ITPR2: variants seen among roughly 807,000 people sequenced by gnomAD.
ITPR2 encodes inositol 1,4,5-trisphosphate receptor type 2, also known as inositol 1,4,5-trisphosphate-gated calcium channel ITPR2.
A neutral mutation model predicts 317.1 loss-of-function variants in ITPR2; 207 were observed. The ratio of observed to expected loss-of-function variants is 0.65; its 90% CI spans 0.58 to 0.73. ITPR2 has a LOEUF of 0.73. ITPR2 is among the 30% of genes least tolerant of loss of function. The pLI, the probability that ITPR2 is intolerant of heterozygous loss-of-function variation, is 0.00. For missense variants in ITPR2, 2,613 were observed against 3,284.0 expected (o/e 0.80, Z 4.99); for synonymous variants, 1,156 against 1,149.1 (o/e 1.01, Z -0.12).
intron 2 of ITPR2, among the ~76,000 whole-genome samples, chr12:26,747,976 C>T (rs1053666570): frequency 1.3e-5 from 2 of 152,216 alleles, no homozygotes; most frequent in Non-Finnish European, 1.5e-5. Context: ...AGTCTATCAA[C>T]TTCCACCAAT....
At chr12:26,692,297 T>C (rs1199266387) in intron 10 of ITPR2, among the ~76,000 whole-genome samples, 1 of 152,194 alleles carries the variant, frequency 6.6e-6, no homozygotes, top group Non-Finnish European at 1.5e-5. Flanking sequence ...GTTGCCACAA[T>C]CAGGGACCTG....
At chr12:26,352,871 C>T (rs541707524) in intron 55 of ITPR2, among the ~76,000 whole-genome samples, 1 of 152,326 alleles carries the variant, frequency 6.6e-6, no homozygotes, top group East Asian at 1.9e-4. Flanking sequence ...ACATCTCTTT[C>T]CACCTCTGCA....
intron 1 of ITPR2, among the ~76,000 whole-genome samples, chr12:26,807,520 G>A (rs1271918930): frequency 6.6e-6 from 1 of 152,194 alleles, no homozygotes; most frequent in Admixed American, 6.5e-5. Context: ...TCATATGTGG[G>A]GAATCCAAAT....
At chr12:26,496,770 C>G (rs1201496192) in intron 37 of ITPR2, among the ~76,000 whole-genome samples, 1 of 151,854 alleles carries the variant, frequency 6.6e-6, no homozygotes, top group African/African-American at 2.4e-5. Flanking sequence ...AGTGAAACCC[C>G]GTCTGTACTA....
At chr12:26,768,715 A>T (rs1268164067) in intron 2 of ITPR2, among the ~76,000 whole-genome samples, 1 of 151,920 alleles carries the variant, frequency 6.6e-6, no homozygotes, top group East Asian at 1.9e-4. Flanking sequence ...TTATGCAGAT[A>T]TAATCAGAGT....
chr12:26,684,548 G>A (rs748728622), intron 11 of ITPR2, among the ~76,000 whole-genome samples: 1 of 152,148 alleles, frequency 6.6e-6, no homozygotes, highest in Admixed American at 6.5e-5. Flanking sequence ...TGCTTCAAGA[G>A]TTATATTATA....
At chr12:26,582,269 T>C (rs543389318) in intron 32 of ITPR2, among the ~76,000 whole-genome samples, 9 of 152,192 alleles carry the variant, frequency 5.9e-5, no homozygotes, top group Non-Finnish European at 1.0e-4. Flanking sequence ...CTCATACATA[T>C]GAATATTTCT....
chr12:26,618,348 T>C (rs1218928777), intron 26 of ITPR2, among the ~76,000 whole-genome samples: 2 of 152,242 alleles, frequency 1.3e-5, no homozygotes, highest in African/African-American at 4.8e-5. Flanking sequence ...TATTAGTAAG[T>C]ACACATGAAT....
chr12:26,670,960 T>C (rs1433959680), intron 13 of ITPR2, among the ~76,000 whole-genome samples: 1 of 151,734 alleles, frequency 6.6e-6, no homozygotes, highest in African/African-American at 2.4e-5. Flanking sequence ...CAATGGAAGA[T>C]GAAATGAATG....
intron 50 of ITPR2, among the ~76,000 whole-genome samples, chr12:26,415,896 A>T (rs1167112870): frequency 6.6e-6 from 1 of 152,202 alleles, no homozygotes; most frequent in Non-Finnish European, 1.5e-5. Context: ...TGGAATATGT[A>T]AAATGGCTTA....
At chr12:26,486,951 G>A in intron 40 of ITPR2, 117 bp downstream of exon 40, 3 of 1,056,632 alleles carry the variant, frequency 2.8e-6, no homozygotes, top group Admixed American at 1.8e-5. Context: ...GATGATCAGA[G>A]CCACAGTGGG....
chr12:26,755,349 C>G (rs970351919), intron 2 of ITPR2, among the ~76,000 whole-genome samples: 1 of 151,922 alleles, frequency 6.6e-6, no homozygotes, highest in Non-Finnish European at 1.5e-5. Context: ...ATTGTGACAT[C>G]AGAAAAAAAG....
intron 2 of ITPR2, among the ~76,000 whole-genome samples, chr12:26,729,492 A>T (rs1017684189): frequency 6.6e-6 from 1 of 152,184 alleles, no homozygotes; most frequent in Non-Finnish European, 1.5e-5. Flanking sequence ...TGTTATGAAG[A>T]CACATGCACA....
rs117635142 is a variant in ITPR2, at chr12:26,532,790, G to A, written c.5073+17457C>T. Reference sequence around the variant, plus strand: ...CAACCTTCACCTCCTGGGTTCAAGCGATTCTCTATCTCAGCCCCCTGAGTA... The same window carrying A: ...CAACCTTCACCTCCTGGGTTCAAGCAATTCTCTATCTCAGCCCCCTGAGTA... On this transcript the variant is annotated intron_variant, in intron 37 of 56. Coordinates refer to ENST00000381340, the MANE Select transcript of ITPR2 (RefSeq NM_002223.4). 4.2e-3 allele frequency among the ~76,000 whole-genome samples: 638 copies of A among 152,176 alleles called. 22 individuals carry two copies. In the East Asian group the frequency reaches 0.1, roughly 25 times the overall value.
intron 48 of ITPR2, among the ~76,000 whole-genome samples, chr12:26,428,393 G>A (rs1373262894): frequency 6.6e-6 from 1 of 152,010 alleles, no homozygotes; most frequent in Non-Finnish European, 1.5e-5. Context: ...AAATACTTTT[G>A]ATAGACATCT....
chr12:26,530,058 A>C (rs191352361), intron 37 of ITPR2, among the ~76,000 whole-genome samples: 11 of 152,356 alleles, frequency 7.2e-5, no homozygotes, highest in African/African-American at 2.6e-4. Flanking sequence ...TTGTAGTCCC[A>C]TTAAGAATCT....
intron 37 of ITPR2, among the ~76,000 whole-genome samples, chr12:26,546,790 A>T (rs556925343): frequency 6.9e-4 from 105 of 152,340 alleles, no homozygotes; most frequent in Admixed American, 1.1e-3. Flanking sequence ...AGCAGATAAG[A>T]ACTTACACTG....
intron 21 of ITPR2, among the ~76,000 whole-genome samples, chr12:26,636,612 A>C (rs1946871982): frequency 6.6e-6 from 1 of 152,168 alleles, no homozygotes; most frequent in African/African-American, 2.4e-5. Context: ...ACTTTCCTTT[A>C]TACTTCTCCC....
chr12:26,655,219 T>G (rs1028991077), intron 20 of ITPR2, among the ~76,000 whole-genome samples: 2 of 152,120 alleles, frequency 1.3e-5, no homozygotes, highest in Non-Finnish European at 2.9e-5. Context: ...GCAAAAAATC[T>G]TACACAAATG....
Sources: allele counts gnomAD v4.1 joint callset (sites outside exome capture counted in the v4.1 genomes callset), GRCh38; gene constraint gnomAD v4.1.1; transcripts MANE v1.5; gene names NCBI Gene and HGNC (gene_info 2026-07-23, HGNC 2026-07-21).